GCNT2: variants seen among roughly 807,000 people sequenced by gnomAD.
GCNT2 encodes N-acetyllactosaminide beta-1,6-N-acetylglucosaminyl-transferase.
GCNT2 carries 34 observed loss-of-function variants against 34.2 expected under a neutral mutation model. The ratio of observed to expected loss-of-function variants is 1.00; its 90% CI spans 0.76 to 1.32. The LOEUF is 1.32. GCNT2 is among the 40% of genes most tolerant of loss of function. The pLI is 0.00. For synonymous variants in GCNT2, 212 were observed against 188.0 expected (o/e 1.13, Z -1.04); for missense variants, 584 against 489.4 (o/e 1.19, Z -1.82).
intron 3 of GCNT2, among the ~76,000 whole-genome samples, chr6:10,549,557 C>CAA (rs1472002921): frequency 1.8e-5 from 2 of 111,738 alleles, no homozygotes; most frequent in Non-Finnish European, 3.6e-5. Flanking sequence ...CTCTCAATCT[C>CAA]TCTCTCTTTT....
At chr6:10,591,144 T>C (rs987699944) in intron 3 of GCNT2, among the ~76,000 whole-genome samples, 1 of 152,190 alleles carries the variant, frequency 6.6e-6, no homozygotes, top group Non-Finnish European at 1.5e-5. Context: ...TCCTCAGTAT[T>C]TGAGCTCCTT....
intron 1 of GCNT2, 67 bp downstream of exon 1, chr6:10,521,484 T>C (rs2113457952): frequency 6.5e-6 from 1 of 152,754 alleles, no homozygotes; most frequent in East Asian, 1.9e-4. Flanking sequence ...GGTCTTCTCG[T>C]GTTACCTCTG....
chr6:10,626,690 A>C lies in GCNT2; in HGVS notation c.*83A>C. 1 of 1,010,434 alleles carries C rather than the reference A, an allele frequency of 9.9e-7. No individual in the cohort carries two copies. The allele number at this position is 1,010,434 out of a possible 1,614,324, so 62.6% of individuals were successfully genotyped here. A position where few individuals can be genotyped will look rare whatever the true frequency, so the allele number is the denominator to read the frequency against. On this transcript the variant is annotated 3_prime_UTR_variant, in exon 5 of 5. Coordinates refer to ENST00000495262, the MANE Select transcript of GCNT2 (RefSeq NM_145649.5). Reference sequence around the variant, plus strand: ...TTTTGTGAGAGACTTTTGCCTTCGTAATGTTAACCGTTTCAGGACCACGTT... The same window carrying C: ...TTTTGTGAGAGACTTTTGCCTTCGTCATGTTAACCGTTTCAGGACCACGTT...
intron 3 of GCNT2, among the ~76,000 whole-genome samples, chr6:10,613,927 G>A (rs769372267): frequency 1.3e-5 from 2 of 152,180 alleles, no homozygotes; most frequent in Non-Finnish European, 2.9e-5. Context: ...CTCCATCAGG[G>A]TGCTCAGCCT....
intron 3 of GCNT2, among the ~76,000 whole-genome samples, chr6:10,572,168 C>T (rs1763581429): frequency 1.3e-5 from 2 of 152,150 alleles, no homozygotes; most frequent in South Asian, 2.1e-4. Context: ...TCCTGCTCAC[C>T]TTTCCATGTC....
At chr6:10,523,738 C>A (rs1257958950) in intron 1 of GCNT2, among the ~76,000 whole-genome samples, 2 of 151,936 alleles carry the variant, frequency 1.3e-5, no homozygotes, top group East Asian at 3.9e-4. Flanking sequence ...TTTGGGAGGC[C>A]GGGGTGGGCG....
At chr6:10,612,473 C>A (rs1406416669) in intron 3 of GCNT2, among the ~76,000 whole-genome samples, 2 of 152,118 alleles carry the variant, frequency 1.3e-5, no homozygotes, top group Non-Finnish European at 2.9e-5. Context: ...GGTCAGCCCC[C>A]ACGACAAAGA....
At chr6:10,587,976 T>C (rs992196809) in intron 3 of GCNT2, among the ~76,000 whole-genome samples, 3 of 152,202 alleles carry the variant, frequency 2.0e-5, no homozygotes, top group Non-Finnish European at 2.9e-5. Context: ...CCAGCTCTTA[T>C]GTCTAGTGTC....
intron 3 of GCNT2, among the ~76,000 whole-genome samples, chr6:10,603,979 T>G (rs183656201): frequency 6.6e-6 from 1 of 151,966 alleles, no homozygotes; most frequent in Non-Finnish European, 1.5e-5. Context: ...CACTGCAACC[T>G]CCGCCGCCCC....
Position 10,626,683 on chromosome 6 carries a change from C to A in GCNT2, c.*76C>A. The A allele has an allele frequency of 1.8e-6, 2 of 1,111,462 alleles. No homozygotes were observed. Among genetic ancestry groups the A allele is most frequent in the East Asian group, 4.7e-5 (2 of 42,286 alleles). 68.8% of individuals were successfully genotyped at this position (1,111,462 alleles called of 1,614,324 possible). On this transcript the variant is annotated 3_prime_UTR_variant, in exon 5 of 5. Transcript: ENST00000495262. The stretch of plus-strand genomic sequence containing the variant: ...AGCCTGTTTTTGTGAGAGACTTTTG[C>A]CTTCGTAATGTTAACCGTTTCAGGA...
intron 3 of GCNT2, among the ~76,000 whole-genome samples, chr6:10,567,558 C>T (rs776321346): frequency 1.6e-4 from 24 of 152,078 alleles, no homozygotes; most frequent in Non-Finnish European, 3.1e-4. Context: ...GGCCTTTTTC[C>T]CTTTACTCAT....
At chr6:10,528,104 C>G (rs576834500) in intron 2 of GCNT2, among the ~76,000 whole-genome samples, 1 of 152,208 alleles carries the variant, frequency 6.6e-6, no homozygotes, top group South Asian at 2.1e-4. Context: ...AAGAAGTTAG[C>G]CTTTATTCAT....
chr6:10,626,704 C>G lies in GCNT2; in HGVS notation c.*97C>G, dbSNP rs575414282. On this transcript the variant is annotated 3_prime_UTR_variant, in exon 5 of 5. Coordinates refer to ENST00000495262, the MANE Select transcript of GCNT2 (RefSeq NM_145649.5). ...TTTGCCTTCGTAATGTTAACCGTTTCAGGACCACGTTTATAGCTTCAGGAC... is the reference window on the plus strand; with the variant it reads ...TTTGCCTTCGTAATGTTAACCGTTTGAGGACCACGTTTATAGCTTCAGGAC... 5.9e-6 allele frequency: 5 copies of G among 852,966 alleles called. No homozygotes were observed. In the East Asian group the frequency reaches 1.3e-4, roughly 21 times the overall value. 52.8% of individuals were successfully genotyped at this position (852,966 alleles called of 1,614,324 possible). A position where few individuals can be genotyped will look rare whatever the true frequency, so the allele number is the denominator to read the frequency against.
At chr6:10,566,639 A>T (rs1763295748) in intron 3 of GCNT2, among the ~76,000 whole-genome samples, 1 of 152,224 alleles carries the variant, frequency 6.6e-6, no homozygotes, top group Non-Finnish European at 1.5e-5. Context: ...GTGACCTTTT[A>T]GAATAGGCTT....
chr6:10,521,664 T>C (rs1760921572), intron 1 of GCNT2: 1 of 152,018 alleles, frequency 6.6e-6, no homozygotes, highest in African/African-American at 2.4e-5. Flanking sequence ...GTTTTTTTTT[T>C]TTCAAAGAAT....
chr6:10,578,442 ATTC>A (rs1763920970), intron 3 of GCNT2, among the ~76,000 whole-genome samples: 1 of 126,470 alleles, frequency 7.9e-6, no homozygotes, highest in Non-Finnish European at 1.6e-5. Context: ...TGGAGCTTAC[ATTC>A]TTTTTTTTTT....
At chr6:10,617,049 C>G (rs141541619) in intron 3 of GCNT2, among the ~76,000 whole-genome samples, 19 of 152,358 alleles carry the variant, frequency 1.2e-4, no homozygotes, top group Middle Eastern at 6.8e-3. Context: ...AGTCCCACTC[C>G]GTGCGCCTGC....
chr6:10,535,386 T>C (rs774711016), intron 3 of GCNT2, among the ~76,000 whole-genome samples: 2 of 152,164 alleles, frequency 1.3e-5, no homozygotes, highest in African/African-American at 2.4e-5. Flanking sequence ...GCCCTCCCTT[T>C]TTCCTCTCCC....
intron 3 of GCNT2, among the ~76,000 whole-genome samples, chr6:10,562,108 A>G (rs1430109542): frequency 6.6e-6 from 1 of 152,144 alleles, no homozygotes; most frequent in Non-Finnish European, 1.5e-5. Context: ...TGGATCAGCG[A>G]GTCAAACCGT....
Sources: gnomAD v4.1 joint callset for allele counts (sites outside exome capture counted in the v4.1 genomes callset) on GRCh38, gnomAD v4.1.1 for gene constraint, MANE v1.5 for transcripts, NCBI Gene and HGNC (gene_info 2026-07-23, HGNC 2026-07-21) for gene names.